The following NOL4L variants were observed in gnomAD, a reference collection of about 807,000 sequenced individuals.
The protein encoded by NOL4L is nucleolar protein 4 like, also known as nucleolar protein 4-like.
A neutral mutation model predicts 64.5 loss-of-function variants in NOL4L; 7 were observed. The observed-to-expected ratio is 0.11, with a 90% CI of 0.06 to 0.20. NOL4L has a LOEUF of 0.20. Among genes scored for constraint, NOL4L ranks in the 10% least tolerant of loss-of-function variants. The probability of loss-of-function intolerance (pLI) is 1.00; values close to 1 mark genes in which losing one functional copy is unlikely to be tolerated. For missense variants in NOL4L, 680 were observed against 967.1 expected (o/e 0.70, Z 3.94); for synonymous variants, 413 against 401.0 (o/e 1.03, Z -0.36).
chr20:32,473,988 C>G (rs1299114124), intron 5 of NOL4L, among the ~76,000 whole-genome samples: 1 of 152,222 alleles, frequency 6.6e-6, no homozygotes, highest in Non-Finnish European at 1.5e-5. Flanking sequence ...GGGTCTGATT[C>G]CTGACCCTAA....
chr20:32,537,045 G>T (rs1285552197), intron 1 of NOL4L: 19 of 983,526 alleles, frequency 1.9e-5, no homozygotes, highest in Non-Finnish European at 2.2e-5. Flanking sequence ...GGCTCCCGGC[G>T]CACCTGCCCT....
intron 4 of NOL4L, among the ~76,000 whole-genome samples, chr20:32,483,781 G>T (rs1236891563): frequency 7.3e-6 from 1 of 137,200 alleles, no homozygotes; most frequent in Non-Finnish European, 1.6e-5. Context: ...GAGAGGAAAA[G>T]GAGGCACCCA....
chr20:32,482,079 G>A (rs1483891815), intron 4 of NOL4L, among the ~76,000 whole-genome samples: 1 of 152,048 alleles, frequency 6.6e-6, no homozygotes, highest in Non-Finnish European at 1.5e-5. Context: ...GGAAATCACA[G>A]AGTCCAAACA....
intron 4 of NOL4L, among the ~76,000 whole-genome samples, chr20:32,507,192 T>C (rs1279388072): frequency 6.6e-6 from 1 of 152,208 alleles, no homozygotes; most frequent in Non-Finnish European, 1.5e-5. Flanking sequence ...TGCAACTAAA[T>C]ACAATTTCCA....
intron 5 of NOL4L, among the ~76,000 whole-genome samples, chr20:32,466,692 C>T (rs2014585451): frequency 6.6e-6 from 1 of 152,182 alleles, no homozygotes; most frequent in Admixed American, 6.5e-5. Flanking sequence ...TGGGGCCCAG[C>T]TCTGGTTTCT....
rs1297348316 is a variant in NOL4L, at chr20:32,584,581, T to G, written c.310A>C (p.Lys104Gln). The change falls in exon 1 of 11, where the codon AAG becomes CAG. Residue 104 changes from lysine (K) to glutamine (Q), a missense_variant. Physicochemically the swap from Lys to Gln is moderately conservative, Grantham distance 53. Around this residue, in one of 4 missense-constraint regions of NOL4L, gnomAD observed 181 missense variants for 335.2 expected, o/e 0.54. Coordinates refer to ENST00000621426, the MANE Select transcript of NOL4L (RefSeq NM_001256798.2). ...GCGCGCGCACTCACCGAGCCCGTCT[T>G]GACCGGCACATACACCACTTGGCCC... ...KMGQVVYVPV[K>Q]TGSGADGLSE... 6.9e-7 allele frequency: 1 copy of G among 1,456,638 alleles called. No individual in the cohort carries two copies. The highest frequency in any genetic ancestry group is 9.2e-7 in the Non-Finnish European group (1 of 1,092,648). The allele number at this position is 1,456,638 out of a possible 1,614,324, so 90.2% of individuals were successfully genotyped here. A position where few individuals can be genotyped will look rare whatever the true frequency, so the allele number is the denominator to read the frequency against.
At chr20:32,470,240 AG>A (rs1218042814) in intron 5 of NOL4L, among the ~76,000 whole-genome samples, 3 of 152,244 alleles carry the variant, frequency 2.0e-5, no homozygotes, top group African/African-American at 7.2e-5. Context: ...CCGCTCAGGA[AG>A]GGGCAGAGTG....
At chr20:32,523,723 G>A (rs565536871) in intron 2 of NOL4L, among the ~76,000 whole-genome samples, 2 of 152,250 alleles carry the variant, frequency 1.3e-5, no homozygotes, top group East Asian at 1.9e-4. Flanking sequence ...ACTGCCCTCC[G>A]CTGCCCTGGG....
At position 32,447,305 on chromosome 20, in the gene NOL4L, C is replaced by G; in HGVS notation, c.*291G>C. 1 of 602,430 alleles carries G rather than the reference C, an allele frequency of 1.7e-6. No homozygotes were observed. The highest frequency in any genetic ancestry group is 3.1e-6 in the Non-Finnish European group (1 of 323,376). The allele number at this position is 602,430 out of a possible 1,614,324, so 37.3% of individuals were successfully genotyped here. A position where few individuals can be genotyped will look rare whatever the true frequency, so the allele number is the denominator to read the frequency against. On this transcript the variant is annotated 3_prime_UTR_variant, in exon 11 of 11. Coordinates refer to ENST00000621426, the MANE Select transcript of NOL4L (RefSeq NM_001256798.2). Reference sequence around the variant, plus strand: ...TCCACGAAGGTGATTCTAAACAGAGCTGCAGCCCCAGCGCCTTGTCAGGGG... The same window carrying G: ...TCCACGAAGGTGATTCTAAACAGAGGTGCAGCCCCAGCGCCTTGTCAGGGG...
intron 4 of NOL4L, among the ~76,000 whole-genome samples, chr20:32,505,775 A>C (rs923424159): frequency 9.2e-5 from 14 of 152,112 alleles, no homozygotes; most frequent in African/African-American, 3.4e-4. Context: ...TGAACCTTGA[A>C]GACATGATGC....
At chr20:32,545,686 C>G (rs2018722389) in intron 1 of NOL4L, among the ~76,000 whole-genome samples, 1 of 152,196 alleles carries the variant, frequency 6.6e-6, no homozygotes, top group Non-Finnish European at 1.5e-5. Flanking sequence ...CAGCCCACAT[C>G]CCATCCATCA....
chr20:32,471,832 C>A (rs1240137311), intron 5 of NOL4L, among the ~76,000 whole-genome samples: 1 of 152,180 alleles, frequency 6.6e-6, no homozygotes, highest in Admixed American at 6.5e-5. Flanking sequence ...CTTGCTCCCT[C>A]TCTCACCATG....
chr20:32,462,646 C>T (rs989549905), intron 5 of NOL4L, among the ~76,000 whole-genome samples: 1 of 152,074 alleles, frequency 6.6e-6, no homozygotes, highest in African/African-American at 2.4e-5. Context: ...GTGGCTCACG[C>T]CTGTAATCCC....
intron 1 of NOL4L, among the ~76,000 whole-genome samples, chr20:32,556,281 G>C (rs1406141328): frequency 1.3e-5 from 2 of 152,052 alleles, no homozygotes; most frequent in Non-Finnish European, 1.5e-5. Context: ...TTGTGGGGGG[G>C]GGGGGTTTCC....
intron 1 of NOL4L, among the ~76,000 whole-genome samples, chr20:32,569,009 T>C (rs920908280): frequency 3.3e-5 from 5 of 152,218 alleles, no homozygotes; most frequent in African/African-American, 9.7e-5. Flanking sequence ...AAATATACAC[T>C]GAGTGCTAGG....
At chr20:32,520,745 G>T in intron 3 of NOL4L, 66 bp downstream of exon 3, 1 of 979,848 alleles carries the variant, frequency 1.0e-6, no homozygotes, top group Non-Finnish European at 1.5e-6. Flanking sequence ...AAAAGCTGGC[G>T]TCTTCAGGGA....
chr20:32,456,790 G>A lies in NOL4L; in HGVS notation c.842-395C>T, dbSNP rs182508455. ...TCCCTTCTCCCCAGCTCCCAGGACCGCACCTCCCACCCACCCTGCTCCTGC... is the reference window on the plus strand; with the variant it reads ...TCCCTTCTCCCCAGCTCCCAGGACCACACCTCCCACCCACCCTGCTCCTGC... On this transcript the variant is annotated intron_variant, in intron 5 of 10. Transcript: ENST00000621426. Among the ~76,000 whole-genome samples the A allele has an allele frequency of 5.4e-4, 82 of 152,266 alleles. 1 individual carries two copies. Among genetic ancestry groups the A allele is most frequent in the Admixed American group, 9.8e-4 (15 of 15,304 alleles).
chr20:32,490,981 C>A (rs1433155500), intron 4 of NOL4L, among the ~76,000 whole-genome samples: 6 of 152,212 alleles, frequency 3.9e-5, no homozygotes, highest in African/African-American at 1.4e-4. Flanking sequence ...CCTAGTCACC[C>A]ATGTGCGACC....
chr20:32,457,964 G>C (rs1474196898), intron 5 of NOL4L, among the ~76,000 whole-genome samples: 2 of 152,190 alleles, frequency 1.3e-5, no homozygotes, highest in Non-Finnish European at 2.9e-5. Flanking sequence ...TGCAACCAAG[G>C]TGCCAGACCT....
Sources: allele counts gnomAD v4.1 joint callset (sites outside exome capture counted in the v4.1 genomes callset), GRCh38; gene constraint gnomAD v4.1.1; regional missense constraint gnomAD v4.1.1; transcripts MANE v1.5; gene names NCBI Gene and HGNC (gene_info 2026-07-23, HGNC 2026-07-21).